Variants in LIMS1 observed in about 807,000 individuals in gnomAD.
LIMS1 encodes LIM zinc finger domain containing 1, also known as LIM and senescent cell antigen-like-containing domain protein 1.
A neutral mutation model predicts 44.1 loss-of-function variants in LIMS1; 18 were observed. The ratio of observed to expected loss-of-function variants is 0.41; its 90% CI spans 0.28 to 0.61. The LOEUF is 0.61. LIMS1 is among the 20% of genes least tolerant of loss of function. The pLI is 0.32. For synonymous variants in LIMS1, 93 were observed against 149.1 expected (o/e 0.62, Z 2.74); for missense variants, 201 against 422.0 (o/e 0.48, Z 4.59).
At chr2:108,621,371 T>A (rs1312828195) in intron 1 of LIMS1, 13 of 1,550,024 alleles carry the variant, frequency 8.4e-6, no homozygotes, top group Non-Finnish European at 1.1e-5. Context: ...GCATTACAGC[T>A]TAAAGAGCTT....
chr2:108,686,472 G>A (rs540748936), exon 10 of LIMS1: 73 of 150,638 alleles, frequency 4.8e-4, no homozygotes, highest in Non-Finnish European at 9.8e-4. Context: ...AGAGGAAGAA[G>A]TTTAAAAAGT....
rs543207871 is a variant in LIMS1, at chr2:108,676,714, A to C, written c.774+16A>C. The C allele has an allele frequency of 7.5e-7, 1 of 1,338,062 alleles. No individual in the cohort carries two copies. Among genetic ancestry groups the C allele is most frequent in the East Asian group, 2.7e-5 (1 of 36,876 alleles). The allele number at this position is 1,338,062 out of a possible 1,614,324, so 82.9% of individuals were successfully genotyped here. ...CTATAACCAGGTATTGACCTTAGTC[A>C]CTGGATGCTAGATAGACTTTTATGA... is the stretch of plus-strand genomic sequence containing the variant. On this transcript the variant is annotated intron_variant, in intron 7 of 9. Transcript: ENST00000544547.
At chr2:108,561,834 C>G (rs1312055084) in intron 1 of LIMS1, among the ~76,000 whole-genome samples, 1 of 151,458 alleles carries the variant, frequency 6.6e-6, no homozygotes. Flanking sequence ...CCTCTGCCTC[C>G]CGGGTTCAAG....
At chr2:108,667,062 C>G (rs1412560518) in intron 2 of LIMS1, among the ~76,000 whole-genome samples, 1 of 151,870 alleles carries the variant, frequency 6.6e-6, no homozygotes, top group South Asian at 2.1e-4. Context: ...CAGCTCCTCT[C>G]TGCCTTTCCT....
exon 10 of LIMS1, chr2:108,685,945 T>C (rs1334273583): frequency 6.6e-6 from 1 of 152,208 alleles, no homozygotes; most frequent in Non-Finnish European, 1.5e-5. Flanking sequence ...TGAACTCGAC[T>C]GCTTGTGTTT....
intron 1 of LIMS1, among the ~76,000 whole-genome samples, chr2:108,592,772 T>C (rs867980422): frequency 2.6e-5 from 4 of 152,254 alleles, no homozygotes; most frequent in Non-Finnish European, 5.9e-5. Flanking sequence ...TTATTTAATA[T>C]CTGAGTTGCA....
chr2:108,651,015 C>T (rs879651039), intron 1 of LIMS1, among the ~76,000 whole-genome samples: 1 of 151,916 alleles, frequency 6.6e-6, no homozygotes, highest in Non-Finnish European at 1.5e-5. Flanking sequence ...TGGAATAATG[C>T]GAGCAACTAT....
intron 1 of LIMS1, among the ~76,000 whole-genome samples, chr2:108,583,180 G>A (rs188574760): frequency 4.0e-5 from 6 of 149,694 alleles, no homozygotes; most frequent in African/African-American, 7.4e-5. Context: ...TTACAGGCGC[G>A]CACCACCACG....
chr2:108,617,565 AAAAT>A (rs1687995524), intron 1 of LIMS1, among the ~76,000 whole-genome samples: 1 of 152,246 alleles, frequency 6.6e-6, no homozygotes, highest in Non-Finnish European at 1.5e-5. Context: ...TTAGGCTCTC[AAAAT>A]TAATTGGTTG....
At chr2:108,542,665 C>T (rs535517553) in intron 1 of LIMS1, among the ~76,000 whole-genome samples, 27 of 152,320 alleles carry the variant, frequency 1.8e-4, no homozygotes, top group South Asian at 1.0e-3. Context: ...TTATTGCCAA[C>T]CATACCACAG....
chr2:108,582,816 C>T (rs1346658521), intron 1 of LIMS1, among the ~76,000 whole-genome samples: 1 of 152,084 alleles, frequency 6.6e-6, no homozygotes, highest in Non-Finnish European at 1.5e-5. Context: ...TACTTTTCAA[C>T]AGTTTCAATA....
At chr2:108,583,205 GTA>G (rs1286089369) in intron 1 of LIMS1, among the ~76,000 whole-genome samples, 1 of 100,174 alleles carries the variant, frequency 1.0e-5, no homozygotes, top group African/African-American at 3.6e-5. Context: ...GCTAATGTTT[GTA>G]TTTTTTTTTT....
chr2:108,639,464 T>G (rs1302369374), intron 1 of LIMS1, among the ~76,000 whole-genome samples: 1 of 152,212 alleles, frequency 6.6e-6, no homozygotes, highest in African/African-American at 2.4e-5. Context: ...TTTTGTTTTG[T>G]TTTTTTGAGA....
chr2:108,646,922 C>T (rs574709852), intron 1 of LIMS1, among the ~76,000 whole-genome samples: 7 of 152,178 alleles, frequency 4.6e-5, no homozygotes, highest in East Asian at 1.9e-4. Flanking sequence ...AGGGTTTCAC[C>T]GCGTTAGCCA....
At chr2:108,626,263 C>T (rs1311823439) in intron 1 of LIMS1, among the ~76,000 whole-genome samples, 1 of 152,136 alleles carries the variant, frequency 6.6e-6, no homozygotes, top group African/African-American at 2.4e-5. Flanking sequence ...GATAAAATTG[C>T]AGTTTTGCCA....
intron 3 of LIMS1, among the ~76,000 whole-genome samples, chr2:108,671,398 G>T (rs570749284): frequency 6.6e-6 from 1 of 152,104 alleles, no homozygotes; most frequent in Non-Finnish European, 1.5e-5. Flanking sequence ...GACTCCTATC[G>T]GGTGGCGTTT....
chr2:108,663,018 G>A (rs2148977179), intron 2 of LIMS1, among the ~76,000 whole-genome samples: 2 of 152,342 alleles, frequency 1.3e-5, no homozygotes, highest in Non-Finnish European at 2.9e-5. Context: ...ACAGAGGCAA[G>A]TATAGAATGA....
At chr2:108,602,182 C>T (rs1687053473) in intron 1 of LIMS1, among the ~76,000 whole-genome samples, 1 of 152,152 alleles carries the variant, frequency 6.6e-6, no homozygotes, top group South Asian at 2.1e-4. Context: ...AATTTATCAA[C>T]TCTAATAGTT....
At chr2:108,614,997 G>A (rs10496423) in intron 1 of LIMS1, among the ~76,000 whole-genome samples, 26,001 of 152,142 alleles carry the variant, frequency 0.17, 2,655 homozygotes, top group African/African-American at 0.27. Flanking sequence ...TCACACAGAA[G>A]TATTTAACCT....
Sources: gnomAD v4.1 joint callset for allele counts (sites outside exome capture counted in the v4.1 genomes callset) on GRCh38, gnomAD v4.1.1 for gene constraint, MANE v1.5 for transcripts, NCBI Gene and HGNC (gene_info 2026-07-23, HGNC 2026-07-21) for gene names.